SGMS1: variants seen among roughly 807,000 people sequenced by gnomAD.
SGMS1 encodes the protein phosphatidylcholine:ceramide cholinephosphotransferase 1.
A neutral mutation model predicts 46.2 loss-of-function variants in SGMS1; 13 were observed. The ratio of observed to expected loss-of-function variants is 0.28; its 90% confidence interval spans 0.18 to 0.45. The LOEUF is 0.45. Among genes scored for constraint, SGMS1 ranks in the 20% least tolerant of loss-of-function variants. The probability of loss-of-function intolerance (pLI) is 1.00; values close to 1 mark genes in which losing one functional copy is unlikely to be tolerated. For synonymous variants in SGMS1, 203 were observed against 187.8 expected (o/e 1.08, Z -0.66); for missense variants, 324 against 519.9 (o/e 0.62, Z 3.66).
intron 6 of SGMS1, among the ~76,000 whole-genome samples, chr10:50,367,437 C>T (rs919390947): frequency 6.6e-6 from 1 of 152,166 alleles, no homozygotes; most frequent in African/African-American, 2.4e-5. Context: ...AAATTCATGG[C>T]GCTTAAATGT....
chr10:50,361,666 A>T (rs1848250980), intron 6 of SGMS1, among the ~76,000 whole-genome samples: 1 of 152,128 alleles, frequency 6.6e-6, no homozygotes, highest in Non-Finnish European at 1.5e-5. Context: ...GGCTCTCTCA[A>T]ACTGTTCCCT....
At chr10:50,562,620 T>C (rs1424940299) in intron 2 of SGMS1, among the ~76,000 whole-genome samples, 2 of 152,208 alleles carry the variant, frequency 1.3e-5, no homozygotes, top group Non-Finnish European at 2.9e-5. Flanking sequence ...CTCGTCTCAC[T>C]GCAAGCTCCG....
intron 6 of SGMS1, among the ~76,000 whole-genome samples, chr10:50,417,570 G>A (rs1358491084): frequency 6.6e-6 from 1 of 152,160 alleles, no homozygotes; most frequent in African/African-American, 2.4e-5. Flanking sequence ...ACAGGGGCAC[G>A]TGCATCCTTG....
chr10:50,317,605 C>G (rs143037616), intron 8 of SGMS1, among the ~76,000 whole-genome samples: 14 of 152,248 alleles, frequency 9.2e-5, no homozygotes, highest in African/African-American at 3.1e-4. Flanking sequence ...ATACCCAAGG[C>G]TGGACAATTT....
At chr10:50,468,842 G>T (rs935253008) in intron 3 of SGMS1, among the ~76,000 whole-genome samples, 10 of 152,198 alleles carry the variant, frequency 6.6e-5, no homozygotes, top group African/African-American at 1.9e-4. Context: ...ATATATCAAA[G>T]ACATGTAGCT....
In SGMS1 at chr10:50,327,364, T is replaced by G. The variant is rs376759277; in HGVS notation, c.624-42A>C. On this transcript the variant is annotated intron_variant, in intron 7 of 10. Coordinates refer to ENST00000361781, the MANE Select transcript of SGMS1 (RefSeq NM_147156.4). ...ACAGGGCAGATTCTCAGTCAAGAAA[T>G]TCTGTAGGTTCATTTACTGTAATTT... is the stretch of plus-strand genomic sequence containing the variant. 4 of 1,130,382 alleles carry G rather than the reference T, an allele frequency of 3.5e-6. No homozygotes were observed. In the African/African-American group the frequency reaches 6.2e-5, roughly 17 times the overall value. The allele number at this position is 1,130,382 out of a possible 1,614,324, so 70.0% of individuals were successfully genotyped here.
At chr10:50,416,623 T>C (rs1051372695) in intron 6 of SGMS1, among the ~76,000 whole-genome samples, 3 of 152,164 alleles carry the variant, frequency 2.0e-5, no homozygotes, top group African/African-American at 4.8e-5. Flanking sequence ...CTCCCAAGTT[T>C]ACATGCTATT....
At chr10:50,612,651 C>G (rs1384223311) in intron 1 of SGMS1, among the ~76,000 whole-genome samples, 2 of 152,202 alleles carry the variant, frequency 1.3e-5, no homozygotes, top group Admixed American at 1.3e-4. Context: ...AGTCGTTAAT[C>G]TTCTCCAGGT....
chr10:50,607,537 C>T (rs1838708887), intron 1 of SGMS1, among the ~76,000 whole-genome samples: 1 of 152,152 alleles, frequency 6.6e-6, no homozygotes, highest in Non-Finnish European at 1.5e-5. Context: ...TCCAAAACAG[C>T]TCTGTTATCT....
chr10:50,546,886 C>T (rs1838106303), intron 2 of SGMS1, among the ~76,000 whole-genome samples: 1 of 152,058 alleles, frequency 6.6e-6, no homozygotes, highest in Admixed American at 6.6e-5. Context: ...AAAAAAAAGA[C>T]CCTGCTTAGA....
At chr10:50,611,928 G>A (rs557595361) in intron 1 of SGMS1, among the ~76,000 whole-genome samples, 1 of 152,264 alleles carries the variant, frequency 6.6e-6, no homozygotes. Context: ...TCTGTTAGGG[G>A]GAAAGAAGCT....
At chr10:50,571,483 C>T (rs1332943772) in intron 2 of SGMS1, among the ~76,000 whole-genome samples, 3 of 152,194 alleles carry the variant, frequency 2.0e-5, no homozygotes, top group Non-Finnish European at 4.4e-5. Context: ...TGCAGTGAGT[C>T]CTGCTGTATC....
intron 9 of SGMS1, 30 bp downstream of exon 9, chr10:50,311,232 G>C: frequency 6.3e-7 from 1 of 1,596,446 alleles, no homozygotes; most frequent in South Asian, 1.1e-5. Flanking sequence ...GGCAGGTGAG[G>C]AAATTACAAT....
intron 2 of SGMS1, among the ~76,000 whole-genome samples, chr10:50,587,607 G>A (rs1356071805): frequency 6.6e-6 from 1 of 151,464 alleles, no homozygotes; most frequent in Non-Finnish European, 1.5e-5. Flanking sequence ...CTGGGCAACA[G>A]AGCAAGACTG....
chr10:50,383,816 A>G (rs903956425), intron 6 of SGMS1, among the ~76,000 whole-genome samples: 14 of 152,194 alleles, frequency 9.2e-5, no homozygotes, highest in African/African-American at 3.4e-4. Context: ...AATAAAGACT[A>G]TGTAATAGAA....
intron 7 of SGMS1, among the ~76,000 whole-genome samples, chr10:50,337,678 G>A (rs1439488575): frequency 6.6e-6 from 1 of 152,102 alleles, no homozygotes; most frequent in Non-Finnish European, 1.5e-5. Context: ...GGAGAATCTA[G>A]TCTATTGAAT....
In SGMS1 at chr10:50,311,340, A is replaced by C. The variant is rs1176058277; in HGVS notation, c.817T>G (p.Ser273Ala). 1.2e-6 allele frequency: 2 copies of C among 1,613,938 alleles called. No individual in the cohort carries two copies. Among genetic ancestry groups the C allele is most frequent in the Non-Finnish European group, 1.7e-6 (2 of 1,179,942 alleles). Residue 273 changes from serine to alanine, a missense_variant, in exon 9 of 11, where the codon TCT becomes GCT. Transcript: ENST00000361781. ...IAGGGLSITG[S>A]HNMCGDYLYS... ...AGATAGTCCCCACACATGTTGTGAG[A>C]GCCAGTGATAGACAAGCCACCTCCA...
intron 1 of SGMS1, among the ~76,000 whole-genome samples, chr10:50,597,549 T>C (rs1838606009): frequency 1.3e-5 from 2 of 152,136 alleles, no homozygotes; most frequent in African/African-American, 4.8e-5. Flanking sequence ...TACATAATAG[T>C]CTTACAAAGA....
At chr10:50,560,363 CATATT>C (rs1838225325) in intron 2 of SGMS1, among the ~76,000 whole-genome samples, 2 of 134,478 alleles carry the variant, frequency 1.5e-5, no homozygotes, top group South Asian at 4.5e-4. Context: ...TATTATAATA[CATATT>C]ATATATTATA....
Sources: allele counts gnomAD v4.1 joint callset (sites outside exome capture counted in the v4.1 genomes callset), GRCh38; gene constraint gnomAD v4.1.1; transcripts MANE v1.5; gene names NCBI Gene and HGNC (gene_info 2026-07-23, HGNC 2026-07-21).